Variants in SOCS6 observed in about 807,000 individuals in gnomAD.
SOCS6 encodes STAT induced STAT inhibitor-4.
Under a neutral mutation model 27.7 loss-of-function variants are expected in SOCS6, and 5 were observed. The ratio of observed to expected loss-of-function variants is 0.18; its 90% CI spans 0.09 to 0.38. The LOEUF (loss-of-function observed/expected upper bound fraction) is 0.38. SOCS6 is among the 10% of genes least tolerant of loss of function. SOCS6 has a pLI of 1.00. For missense variants in SOCS6, 595 were observed against 688.1 expected (o/e 0.86, Z 1.51); for synonymous variants, 271 against 260.0 (o/e 1.04, Z -0.41).
Position 70,310,389 on chromosome 18 carries a change from C to T in SOCS6, c.-126-14154C>T, listed in dbSNP as rs141402799. Among the ~76,000 whole-genome samples, 14 of 151,668 alleles carry T rather than the reference C, an allele frequency of 9.2e-5. No homozygotes were observed. The East Asian group carries it at 2.7e-3, about 29-fold the overall frequency. On this transcript the variant is annotated intron_variant, in intron 1 of 1. Transcript: ENST00000397942. ...CCTTCCTTTCCAGGCTTGGGTGATC[C>T]TCCCACCTCAGCCTCTTTAGTAGCT...
rs567159663 is a variant in SOCS6 at position 70,325,315 on chromosome 18, T to G, written c.647T>G (p.Met216Arg). The change falls in exon 2 of 2, where the codon ATG becomes AGG. Residue 216 changes from methionine (M) to arginine (R), a missense_variant. Physicochemically the swap from Met to Arg is moderately conservative, Grantham distance 91. Transcript: ENST00000397942. The surrounding 1 kb of genome is among the most constrained non-coding windows in gnomAD (Gnocchi z 6.3). ...DEHVPVVIGL[M>R]PQDYIQYTVP... ...CATGTGCCTGTCGTTATTGGACTTATGCCTCAGGACTACATTCAGTATACT... is the reference window on the plus strand; with the variant it reads ...CATGTGCCTGTCGTTATTGGACTTAGGCCTCAGGACTACATTCAGTATACT... 6.2e-7 allele frequency: 1 copy of G among 1,614,110 alleles called. No individual in the cohort carries two copies. Among genetic ancestry groups the G allele is most frequent in the African/African-American group, 1.3e-5 (1 of 74,936 alleles).
chr18:70,318,239 G>A (rs374546320), intron 1 of SOCS6, among the ~76,000 whole-genome samples: 2 of 151,824 alleles, frequency 1.3e-5, no homozygotes, highest in South Asian at 4.2e-4. Flanking sequence ...AACATTTTTA[G>A]CCACCTGCAT....
chr18:70,308,845 A>G (rs2062379389), intron 1 of SOCS6, among the ~76,000 whole-genome samples: 2 of 151,996 alleles, frequency 1.3e-5, no homozygotes, highest in South Asian at 4.1e-4. Flanking sequence ...CTAAAAGTCT[A>G]TTTTGTCTGA....
At chr18:70,291,794 T>C (rs1179897477) in intron 1 of SOCS6, among the ~76,000 whole-genome samples, 1 of 152,238 alleles carries the variant, frequency 6.6e-6, no homozygotes, top group African/African-American at 2.4e-5. Flanking sequence ...CGAAGTACTT[T>C]TGTAAAATTA....
At chr18:70,313,911 G>T (rs1230592759) in intron 1 of SOCS6, among the ~76,000 whole-genome samples, 1 of 152,090 alleles carries the variant, frequency 6.6e-6, no homozygotes, top group Non-Finnish European at 1.5e-5. Flanking sequence ...TATTTTGACA[G>T]GATTGGATTG....
chr18:70,300,341 C>T (rs1355627635), intron 1 of SOCS6, among the ~76,000 whole-genome samples: 1 of 152,086 alleles, frequency 6.6e-6, no homozygotes, highest in African/African-American at 2.4e-5. Context: ...GTGGGCCAGG[C>T]TAGTCTCGAA....
chr18:70,310,173 C>T (rs1181030171), intron 1 of SOCS6, among the ~76,000 whole-genome samples: 1 of 152,136 alleles, frequency 6.6e-6, no homozygotes, highest in Non-Finnish European at 1.5e-5. Context: ...ATTCAAAGTA[C>T]TGAAATGGTT....
intron 1 of SOCS6, among the ~76,000 whole-genome samples, chr18:70,299,535 T>C (rs1478722452): frequency 6.6e-6 from 1 of 152,174 alleles, no homozygotes; most frequent in East Asian, 1.9e-4. Flanking sequence ...TTTCCTTTTC[T>C]CTTCATTTCT....
intron 1 of SOCS6, among the ~76,000 whole-genome samples, chr18:70,323,996 A>G (rs1418350317): frequency 6.6e-6 from 1 of 152,184 alleles, no homozygotes; most frequent in Non-Finnish European, 1.5e-5. Flanking sequence ...AGGTAGATGC[A>G]GGCTTGTTCT....
chr18:70,309,004 C>T (rs890530024), intron 1 of SOCS6, among the ~76,000 whole-genome samples: 1 of 152,134 alleles, frequency 6.6e-6, no homozygotes, highest in African/African-American at 2.4e-5. Flanking sequence ...TTTAGTCTGA[C>T]AATTTCTACT....
rs199615299 is a variant in SOCS6, at chr18:70,297,355, TTC to T, written c.-127+8266_-127+8267del. Among the ~76,000 whole-genome samples the T allele has an allele frequency of 6.3e-3, 737 of 117,726 alleles. 5 individuals are homozygous for T. The highest frequency in any genetic ancestry group is 0.022 in the African/African-American group (699 of 31,514). The allele number at this position is 117,726 out of a possible 152,430, so 77.2% of individuals were successfully genotyped here. ...TATGTTTAATCAGGAGGGTTTTTTT[TTC>T]CCTTCTTTTCAACAGTTTTTGTTTG... On this transcript the variant is annotated intron_variant, in intron 1 of 1. Transcript: ENST00000397942.
chr18:70,298,658 G>A (rs2062334884), intron 1 of SOCS6, among the ~76,000 whole-genome samples: 1 of 152,136 alleles, frequency 6.6e-6, no homozygotes, highest in African/African-American at 2.4e-5. Context: ...CATTATCAAT[G>A]TTGCCCAGGT....
intron 1 of SOCS6, among the ~76,000 whole-genome samples, chr18:70,290,590 C>T (rs537308107): frequency 1.7e-4 from 26 of 152,280 alleles, no homozygotes; most frequent in African/African-American, 6.3e-4. Context: ...GTGGCCTTAA[C>T]CCTTTGGTTC....
intron 1 of SOCS6, among the ~76,000 whole-genome samples, chr18:70,306,569 T>C (rs533332311): frequency 6.6e-6 from 1 of 152,170 alleles, no homozygotes; most frequent in Admixed American, 6.5e-5. Flanking sequence ...CTTTCCAATT[T>C]GTATGCATTT....
At chr18:70,305,097 T>C (rs62089662) in intron 1 of SOCS6, among the ~76,000 whole-genome samples, 21,470 of 142,790 alleles carry the variant, frequency 0.15, 1,564 homozygotes, top group Middle Eastern at 0.25. Flanking sequence ...ATCCCAGCTA[T>C]TGGGGAGGCC....
intron 1 of SOCS6, among the ~76,000 whole-genome samples, chr18:70,293,757 G>C (rs577823482): frequency 1.3e-5 from 2 of 152,008 alleles, no homozygotes; most frequent in Non-Finnish European, 2.9e-5. Flanking sequence ...GTTCCTTTAC[G>C]TATATAATAA....
intron 1 of SOCS6, among the ~76,000 whole-genome samples, chr18:70,295,256 A>G (rs2062318042): frequency 6.6e-6 from 1 of 152,218 alleles, no homozygotes; most frequent in African/African-American, 2.4e-5. Flanking sequence ...TCAATAGTTC[A>G]GTGTTAATCT....
intron 1 of SOCS6, among the ~76,000 whole-genome samples, chr18:70,314,660 A>G (rs1048179700): frequency 6.6e-6 from 1 of 152,222 alleles, no homozygotes; most frequent in African/African-American, 2.4e-5. Flanking sequence ...TTCTCAGAAC[A>G]TACCTGTTGT....
At chr18:70,301,164 T>C (rs1386823155) in intron 1 of SOCS6, among the ~76,000 whole-genome samples, 1 of 152,058 alleles carries the variant, frequency 6.6e-6, no homozygotes, top group Non-Finnish European at 1.5e-5. Flanking sequence ...GACTCTTGGG[T>C]TAGAGATAAA....
Sources: gnomAD v4.1 joint callset for allele counts (sites outside exome capture counted in the v4.1 genomes callset) on GRCh38, gnomAD v4.1.1 for gene constraint, Gnocchi (gnomAD v3.1) non-coding constraint, MANE v1.5 for transcripts, NCBI Gene and HGNC (gene_info 2026-07-23, HGNC 2026-07-21) for gene names.